EPHA5: variants seen among roughly 807,000 people sequenced by gnomAD.
The protein encoded by EPHA5 is EPH receptor A5.
Under a neutral mutation model 105.0 loss-of-function variants are expected in EPHA5, and 60 were observed. The ratio of observed to expected loss-of-function variants is 0.57; its 90% CI spans 0.46 to 0.71. The LOEUF is 0.71. EPHA5 is among the 30% of genes least tolerant of loss of function. The pLI is 0.00. For synonymous variants in EPHA5, 513 were observed against 449.1 expected (o/e 1.14, Z -1.80); for missense variants, 1,218 against 1,274.7 (o/e 0.96, Z 0.68).
chr4:65,651,719 G>C (rs1329695233), intron 1 of EPHA5, among the ~76,000 whole-genome samples: 1 of 152,112 alleles, frequency 6.6e-6, no homozygotes, highest in Non-Finnish European at 1.5e-5. Context: ...CTCTTCAAAA[G>C]TTAAGCAGTA....
intron 11 of EPHA5, among the ~76,000 whole-genome samples, chr4:65,361,444 C>T (rs577542001): frequency 6.6e-6 from 1 of 151,670 alleles, no homozygotes; most frequent in Admixed American, 6.6e-5. Flanking sequence ...GATTTGTTTG[C>T]TTGACTGCTG....
At chr4:65,399,245 T>C (rs1721572218) in intron 8 of EPHA5, among the ~76,000 whole-genome samples, 1 of 152,156 alleles carries the variant, frequency 6.6e-6, no homozygotes, top group South Asian at 2.1e-4. Context: ...ACTAATTAAG[T>C]ACTTGTGCTG....
chr4:65,634,150 T>C (rs1305471716), intron 2 of EPHA5, among the ~76,000 whole-genome samples: 1 of 152,044 alleles, frequency 6.6e-6, no homozygotes, highest in Non-Finnish European at 1.5e-5. Flanking sequence ...AATAAGATGA[T>C]ATTATGGATA....
At chr4:65,560,709 CA>C (rs1019453133) in intron 3 of EPHA5, among the ~76,000 whole-genome samples, 2 of 151,998 alleles carry the variant, frequency 1.3e-5, no homozygotes, top group Non-Finnish European at 2.9e-5. Context: ...AAAGGTAATA[CA>C]AAAGTCCCTA....
At chr4:65,367,292 G>T in intron 9 of EPHA5, 65 bp downstream of exon 9, 1 of 1,356,152 alleles carries the variant, frequency 7.4e-7, no homozygotes. Context: ...AGCCTGAAAA[G>T]AAACTTAAAT....
At chr4:65,455,413 T>C (rs1321735319) in intron 5 of EPHA5, among the ~76,000 whole-genome samples, 2 of 152,198 alleles carry the variant, frequency 1.3e-5, no homozygotes, top group East Asian at 3.9e-4. Context: ...TATTCCTTGC[T>C]AGATGTTCTC....
chr4:65,619,837 T>C (rs975952506), intron 2 of EPHA5, among the ~76,000 whole-genome samples: 3 of 151,896 alleles, frequency 2.0e-5, no homozygotes, highest in Non-Finnish European at 4.4e-5. Flanking sequence ...TTTTTACATG[T>C]AAAATCTACT....
At chr4:65,608,430 T>A (rs1744449253) in intron 2 of EPHA5, among the ~76,000 whole-genome samples, 1 of 150,876 alleles carries the variant, frequency 6.6e-6, no homozygotes, top group Non-Finnish European at 1.5e-5. Flanking sequence ...CATGAACCCA[T>A]GAGGCGGAGC....
chr4:65,380,320 T>C (rs1285030332), intron 8 of EPHA5, among the ~76,000 whole-genome samples: 5 of 151,824 alleles, frequency 3.3e-5, no homozygotes, highest in African/African-American at 1.2e-4. Flanking sequence ...CTTCAGCAGA[T>C]TAAAATATGA....
At chr4:65,415,776 T>C (rs1723329107) in intron 6 of EPHA5, among the ~76,000 whole-genome samples, 1 of 152,054 alleles carries the variant, frequency 6.6e-6, no homozygotes, top group East Asian at 1.9e-4. Flanking sequence ...AGGAAATTTC[T>C]TCATTGACAA....
intron 5 of EPHA5, among the ~76,000 whole-genome samples, chr4:65,456,781 T>C (rs868167076): frequency 2.0e-4 from 30 of 152,004 alleles, no homozygotes; most frequent in African/African-American, 6.5e-4. Flanking sequence ...ATGTCACCTA[T>C]CCACTTTCCC....
intron 5 of EPHA5, among the ~76,000 whole-genome samples, chr4:65,480,073 AC>A (rs1296426129): frequency 6.6e-6 from 1 of 152,112 alleles, no homozygotes; most frequent in Non-Finnish European, 1.5e-5. Context: ...AAACAAACAA[AC>A]AAAAAACACA....
At chr4:65,548,356 A>T (rs892705585) in intron 3 of EPHA5, among the ~76,000 whole-genome samples, 1 of 150,974 alleles carries the variant, frequency 6.6e-6, no homozygotes, top group Admixed American at 6.6e-5. Context: ...AAATATAAGT[A>T]GGAGGAAAAA....
chr4:65,606,175 C>A (rs182773861), intron 2 of EPHA5, among the ~76,000 whole-genome samples: 36 of 151,708 alleles, frequency 2.4e-4, no homozygotes, highest in Middle Eastern at 3.4e-3. Flanking sequence ...TCTTTTTTTT[C>A]TTTTGCTATA....
At chr4:65,576,026 G>GAAA (rs1178164776) in intron 3 of EPHA5, among the ~76,000 whole-genome samples, 1 of 75,984 alleles carries the variant, frequency 1.3e-5, no homozygotes, top group Admixed American at 2.0e-4. Flanking sequence ...AAGAAAGAAA[G>GAAA]AAAGAAAGAA....
At chr4:65,450,923 C>T (rs1186658971) in intron 5 of EPHA5, among the ~76,000 whole-genome samples, 1 of 152,096 alleles carries the variant, frequency 6.6e-6, no homozygotes. Flanking sequence ...AGTACTTTGC[C>T]TCTTTAAGTA....
intron 14 of EPHA5, among the ~76,000 whole-genome samples, chr4:65,343,514 T>C (rs1721933744): frequency 6.6e-6 from 1 of 152,158 alleles, no homozygotes; most frequent in Non-Finnish European, 1.5e-5. Context: ...ATCTGGAATG[T>C]AGAGATTATG....
chr4:65,480,297 T>G (rs1179623171), intron 5 of EPHA5, among the ~76,000 whole-genome samples: 1 of 152,216 alleles, frequency 6.6e-6, no homozygotes, highest in Non-Finnish European at 1.5e-5. Flanking sequence ...TTCATTGGAA[T>G]GCATTATTTT....
At chr4:65,366,118 C>A (rs1577929176) in intron 9 of EPHA5, 61 bp from the exon 10 acceptor site, 4 of 1,471,512 alleles carry the variant, frequency 2.7e-6, no homozygotes, top group East Asian at 4.6e-5. Context: ...AAATTATGAA[C>A]TTTATTAACA....
Sources: allele counts gnomAD v4.1 joint callset (sites outside exome capture counted in the v4.1 genomes callset), GRCh38; gene constraint gnomAD v4.1.1; transcripts MANE v1.5; gene names NCBI Gene and HGNC (gene_info 2026-07-23, HGNC 2026-07-21).